The following GRIN2A variants were observed in gnomAD, a reference collection of about 807,000 sequenced individuals.
The protein encoded by GRIN2A is glutamate receptor ionotropic, NMDA 2A.
A neutral mutation model predicts 113.4 loss-of-function variants in GRIN2A; 22 were observed. The ratio of observed to expected loss-of-function variants is 0.19; its 90% CI spans 0.14 to 0.28. The LOEUF is 0.28. Among genes scored for constraint, GRIN2A ranks in the 10% least tolerant of loss-of-function variants. GRIN2A has a pLI of 1.00. For synonymous variants in GRIN2A, 827 were observed against 738.4 expected (o/e 1.12, Z -1.94); for missense variants, 1,502 against 1,887.0 (o/e 0.80, Z 3.78).
chr16:9,841,530 G>A (rs1394782295), intron 5 of GRIN2A, among the ~76,000 whole-genome samples: 1 of 152,150 alleles, frequency 6.6e-6, no homozygotes, highest in Non-Finnish European at 1.5e-5. Flanking sequence ...ACTAGAGAAT[G>A]GAAGAGAGGA....
chr16:9,771,666 ATCT>A (rs952350674), intron 11 of GRIN2A, among the ~76,000 whole-genome samples: 4 of 151,380 alleles, frequency 2.6e-5, no homozygotes, highest in Admixed American at 2.0e-4. Context: ...CCATGAGCTA[ATCT>A]TCTGCAGAAT....
At chr16:9,987,745 T>C (rs1046799430) in intron 2 of GRIN2A, among the ~76,000 whole-genome samples, 5 of 152,216 alleles carry the variant, frequency 3.3e-5, no homozygotes, top group South Asian at 2.1e-4. Flanking sequence ...TGGTCTTAAA[T>C]AGTTTTAGGA....
At chr16:9,787,251 T>C in intron 11 of GRIN2A, among the ~76,000 whole-genome samples, 1 of 152,182 alleles carries the variant, frequency 6.6e-6, no homozygotes, top group East Asian at 1.9e-4. Context: ...TGAGGCTTCA[T>C]GCACATAAGA....
intron 11 of GRIN2A, among the ~76,000 whole-genome samples, chr16:9,795,186 T>C (rs927827400): frequency 1.3e-5 from 2 of 152,036 alleles, no homozygotes; most frequent in South Asian, 2.1e-4. Flanking sequence ...CAAGATGAGA[T>C]AGGAGGTGGG....
intron 2 of GRIN2A, 105 bp downstream of exon 2, chr16:10,179,893 C>CCCAAAAAAAAAAAAACA: frequency 1.4e-6 from 1 of 719,818 alleles, no homozygotes; most frequent in African/African-American, 1.8e-5. Flanking sequence ...CCCCCACCCC[C>CCCAAAAAAAAAAAAACA]ACTTCACATC....
At chr16:9,829,373 G>A (rs2042445516) in intron 9 of GRIN2A, 50 bp downstream of exon 9, 2 of 1,145,682 alleles carry the variant, frequency 1.7e-6, no homozygotes, top group South Asian at 1.2e-5. Flanking sequence ...CCTGAAAGGA[G>A]AGCAGTTAAG....
At chr16:9,916,697 C>T (rs532885765) in intron 3 of GRIN2A, among the ~76,000 whole-genome samples, 1 of 152,290 alleles carries the variant, frequency 6.6e-6, no homozygotes, top group Non-Finnish European at 1.5e-5. Context: ...CCTTTTCCAA[C>T]CTTTCAAGGC....
chr16:9,880,213 G>A (rs573433702), intron 4 of GRIN2A, among the ~76,000 whole-genome samples: 1 of 152,168 alleles, frequency 6.6e-6, no homozygotes, highest in East Asian at 1.9e-4. Flanking sequence ...CACCTCCTTG[G>A]GGTTATATGT....
intron 2 of GRIN2A, among the ~76,000 whole-genome samples, chr16:10,074,842 C>T (rs1464760279): frequency 6.6e-6 from 1 of 152,160 alleles, no homozygotes; most frequent in African/African-American, 2.4e-5. Context: ...TACTAAAAAG[C>T]ATTGGACTGT....
At chr16:9,887,954 G>A (rs116750279) in intron 4 of GRIN2A, among the ~76,000 whole-genome samples, 3,188 of 152,202 alleles carry the variant, frequency 0.021, 112 homozygotes, top group African/African-American at 0.073. Flanking sequence ...CTACTCAGGG[G>A]GGCTGAGGTG....
chr16:10,010,143 T>A (rs1698192175), intron 2 of GRIN2A, among the ~76,000 whole-genome samples: 1 of 152,242 alleles, frequency 6.6e-6, no homozygotes, highest in Non-Finnish European at 1.5e-5. Flanking sequence ...TCTCAGTTCC[T>A]TTCTCCTTTC....
At chr16:9,980,453 G>T (rs2045869158) in intron 2 of GRIN2A, among the ~76,000 whole-genome samples, 1 of 152,092 alleles carries the variant, frequency 6.6e-6, no homozygotes, top group African/African-American at 2.4e-5. Flanking sequence ...TCTACAACTA[G>T]AAATACCATT....
At chr16:9,829,364 C>CTG in intron 9 of GRIN2A, 59 bp downstream of exon 9, 1 of 1,081,498 alleles carries the variant, frequency 9.2e-7, no homozygotes, top group Non-Finnish European at 1.4e-6. Flanking sequence ...TCTCTTCCTC[C>CTG]TGAAAGGAGA....
chr16:10,054,890 AC>A (rs1373127647), intron 2 of GRIN2A, among the ~76,000 whole-genome samples: 1 of 151,542 alleles, frequency 6.6e-6, no homozygotes, highest in African/African-American at 2.4e-5. Flanking sequence ...TACTAAGAAC[AC>A]AAAAAATTAG....
intron 4 of GRIN2A, among the ~76,000 whole-genome samples, chr16:9,874,311 G>A (rs1429583978): frequency 6.6e-6 from 1 of 152,240 alleles, no homozygotes; most frequent in Non-Finnish European, 1.5e-5. Flanking sequence ...ACAGTTTACT[G>A]CAGGGGTGGG....
chr16:10,060,087 G>T (rs927979442), intron 2 of GRIN2A, among the ~76,000 whole-genome samples: 3 of 152,146 alleles, frequency 2.0e-5, no homozygotes, highest in African/African-American at 7.2e-5. Context: ...CCCATCAAGA[G>T]CTAGATGGGG....
At chr16:9,976,074 T>C (rs2045768578) in intron 2 of GRIN2A, among the ~76,000 whole-genome samples, 1 of 152,348 alleles carries the variant, frequency 6.6e-6, no homozygotes, top group Non-Finnish European at 1.5e-5. Flanking sequence ...CCATCACAGA[T>C]ATTTCCCATT....
At chr16:10,082,997 C>A (rs1030679530) in intron 2 of GRIN2A, among the ~76,000 whole-genome samples, 1 of 152,230 alleles carries the variant, frequency 6.6e-6, no homozygotes, top group South Asian at 2.1e-4. Context: ...TTGATCACAG[C>A]ATGATTAAAT....
intron 10 of GRIN2A, among the ~76,000 whole-genome samples, chr16:9,816,181 T>A (rs1475646891): frequency 6.6e-6 from 1 of 152,204 alleles, no homozygotes; most frequent in Non-Finnish European, 1.5e-5. Flanking sequence ...TGGAGACAGA[T>A]GGTGGTAATG....
Sources: allele counts gnomAD v4.1 joint callset (sites outside exome capture counted in the v4.1 genomes callset), GRCh38; gene constraint gnomAD v4.1.1; transcripts MANE v1.5; gene names NCBI Gene and HGNC (gene_info 2026-07-23, HGNC 2026-07-21).